Variants in TMEM114 observed in about 807,000 individuals in gnomAD.
TMEM114 encodes claudin-26.
In TMEM114, 6 loss-of-function variants were observed where a neutral mutation model predicts 6.2. The ratio of observed to expected loss-of-function variants is 0.97; its 90% CI spans 0.53 to 1.91. TMEM114 has a LOEUF of 1.91. Among genes scored for constraint, TMEM114 ranks in the 40% most tolerant of loss-of-function variants. TMEM114 has a pLI of 0.01. For missense variants in TMEM114, 218 were observed against 158.3 expected (o/e 1.38, Z -2.02); for synonymous variants, 104 against 73.0 (o/e 1.42, Z -2.16).
chr16:8,540,777 A>G (rs956607807), intron 2 of TMEM114, among the ~76,000 whole-genome samples: 3 of 152,260 alleles, frequency 2.0e-5, no homozygotes, highest in African/African-American at 7.2e-5. Flanking sequence ...GAATCACACG[A>G]ATAACTGCTA....
intron 2 of TMEM114, among the ~76,000 whole-genome samples, chr16:8,581,047 C>A (rs930340601): frequency 6.6e-6 from 1 of 152,132 alleles, no homozygotes; most frequent in Non-Finnish European, 1.5e-5. Context: ...CCACAGCACC[C>A]CACAATCATA....
intron 2 of TMEM114, among the ~76,000 whole-genome samples, chr16:8,561,674 TA>T (rs1174773886): frequency 6.6e-6 from 1 of 152,200 alleles, no homozygotes; most frequent in Non-Finnish European, 1.5e-5. Context: ...AATGAGTGAA[TA>T]AATGAATGAG....
intron 2 of TMEM114, among the ~76,000 whole-genome samples, chr16:8,561,842 G>C (rs199672751): frequency 2.0e-5 from 3 of 149,790 alleles, no homozygotes; most frequent in African/African-American, 7.5e-5. Context: ...GTGAATGAGT[G>C]AGTGAATGAA....
chr16:8,575,214 C>T (rs1340719670), intron 2 of TMEM114, among the ~76,000 whole-genome samples: 3 of 152,136 alleles, frequency 2.0e-5, no homozygotes, highest in Admixed American at 6.5e-5. Context: ...ATGACTGGAC[C>T]ACTCTGAGCC....
chr16:8,582,555 A>C (rs1303054534), intron 2 of TMEM114, among the ~76,000 whole-genome samples: 2 of 152,224 alleles, frequency 1.3e-5, no homozygotes, highest in African/African-American at 4.8e-5. Flanking sequence ...ATCACACTGA[A>C]ACTATACTCA....
the TMEM114 span, among the ~76,000 whole-genome samples, chr16:8,529,721 A>C: frequency 6.6e-6 from 1 of 151,520 alleles, no homozygotes; most frequent in Non-Finnish European, 1.5e-5. Context: ...AATTCTTAAA[A>C]GAAAACTTAA....
chr16:8,528,577 G>C, the TMEM114 span, among the ~76,000 whole-genome samples: 3 of 152,208 alleles, frequency 2.0e-5, no homozygotes, highest in South Asian at 2.1e-4. Context: ...TGACAGATCA[G>C]AGTGAATGAC....
the TMEM114 span, among the ~76,000 whole-genome samples, chr16:8,527,164 G>A: frequency 6.6e-6 from 1 of 152,184 alleles, no homozygotes; most frequent in Non-Finnish European, 1.5e-5. Context: ...CCAAGATCAT[G>A]CCACTGCACT....
Position 8,562,526 on chromosome 16 carries a change from T to TGAGTGAGTGAATGAGTGAGTGAGTG in TMEM114, n.213-24701_213-24700insCACTCACTCACTCATTCACTCACTC, listed in dbSNP as rs1465142445. Among the ~76,000 whole-genome samples, 34 of 127,262 alleles carry TGAGTGAGTGAATGAGTGAGTGAGTG rather than the reference T, an allele frequency of 2.7e-4. 1 individual carries two copies. The highest frequency in any genetic ancestry group is 0.011 in the Middle Eastern group (2 of 180). 83.5% of individuals were successfully genotyped at this position (127,262 alleles called of 152,430 possible). On this transcript the variant is annotated intron_variant and non_coding_transcript_variant, in intron 2 of 2. Coordinates refer to the TMEM114 transcript ENST00000623677. The stretch of plus-strand genomic sequence containing the variant: ...TAAATGAGTGACTGAATGAGTGAGT[T>TGAGTGAGTGAATGAGTGAGTGAGTG]AATGAGTGAGTGAGTGAATGAGTGA...
In TMEM114 at chr16:8,569,666, C is replaced by G; in HGVS notation, c.*107G>C. ...GTGGGGGAAGGAGGGGGGTGCCTGGCCTCCCCGAGTGGCCTTTGAGGAAGA... is the reference window on the plus strand; with the variant it reads ...GTGGGGGAAGGAGGGGGGTGCCTGGGCTCCCCGAGTGGCCTTTGAGGAAGA... On this transcript the variant is annotated 3_prime_UTR_variant, in exon 4 of 4. Coordinates refer to ENST00000620492, the MANE Select transcript of TMEM114 (RefSeq NM_001146336.2). The G allele has an allele frequency of 6.9e-7, 1 of 1,444,140 alleles. No homozygotes were observed. The highest frequency in any genetic ancestry group is 1.5e-5 in the South Asian group (1 of 68,220). The allele number at this position is 1,444,140 out of a possible 1,614,324, so 89.5% of individuals were successfully genotyped here. A position where few individuals can be genotyped will look rare whatever the true frequency, so the allele number is the denominator to read the frequency against.
At chr16:8,572,345 C>T (rs1216451822) in intron 2 of TMEM114, 121 bp from the exon 3 acceptor site, 20 of 1,038,914 alleles carry the variant, frequency 1.9e-5, no homozygotes, top group Admixed American at 8.3e-5. Flanking sequence ...ACTGCCCCTA[C>T]GACGATTACT....
At chr16:8,587,902 G>A (rs1445432090) in intron 2 of TMEM114, among the ~76,000 whole-genome samples, 4 of 151,474 alleles carry the variant, frequency 2.6e-5, no homozygotes, top group Non-Finnish European at 4.4e-5. Flanking sequence ...GAAATCCCAA[G>A]ACTTTGGGAG....
chr16:8,572,851 G>A (rs936327776), intron 2 of TMEM114, among the ~76,000 whole-genome samples: 2 of 152,220 alleles, frequency 1.3e-5, no homozygotes, highest in East Asian at 1.9e-4. Context: ...ATGGCTGGCA[G>A]TGGTTTGGGC....
At chr16:8,553,878 CT>C (rs112276790) in intron 2 of TMEM114, among the ~76,000 whole-genome samples, 4,590 of 144,632 alleles carry the variant, frequency 0.032, 210 homozygotes, top group African/African-American at 0.11. Flanking sequence ...TTTTCCTTTT[CT>C]TTTTTTTTTT....
intron 2 of TMEM114, among the ~76,000 whole-genome samples, chr16:8,538,275 C>T (rs1900419024): frequency 6.6e-6 from 1 of 150,964 alleles, no homozygotes; most frequent in Non-Finnish European, 1.5e-5. Flanking sequence ...GGTGACAGAC[C>T]AAGATGATGT....
intron 2 of TMEM114, among the ~76,000 whole-genome samples, chr16:8,550,418 C>T (rs1393590225): frequency 6.6e-6 from 1 of 152,306 alleles, no homozygotes; most frequent in African/African-American, 2.4e-5. Context: ...CGGTGGCTCA[C>T]GCCTGCAATT....
intron 2 of TMEM114, among the ~76,000 whole-genome samples, chr16:8,561,781 G>A (rs1228459063): frequency 1.3e-5 from 2 of 150,210 alleles, no homozygotes; most frequent in Non-Finnish European, 2.9e-5. Context: ...GAGGTAATGA[G>A]TGAATCAGTG....
chr16:8,584,226 T>A (rs1902244496), intron 2 of TMEM114, among the ~76,000 whole-genome samples: 1 of 152,104 alleles, frequency 6.6e-6, no homozygotes. Context: ...CATGAACCAG[T>A]GATTTCTTTT....
intron 2 of TMEM114, among the ~76,000 whole-genome samples, chr16:8,575,337 T>G (rs945534237): frequency 3.9e-5 from 6 of 152,200 alleles, no homozygotes; most frequent in Non-Finnish European, 8.8e-5. Context: ...AGCACTGGTA[T>G]GAAGACAAAA....
Sources: allele counts gnomAD v4.1 joint callset (sites outside exome capture counted in the v4.1 genomes callset), GRCh38; gene constraint gnomAD v4.1.1; transcripts MANE v1.5; gene names NCBI Gene and HGNC (gene_info 2026-07-23, HGNC 2026-07-21).